PPP1R14C: variants seen among roughly 807,000 people sequenced by gnomAD.
PPP1R14C encodes the protein protein phosphatase 1 regulatory inhibitor subunit 14C.
PPP1R14C carries 16 observed loss-of-function variants against 20.4 expected under a neutral mutation model. The ratio of observed to expected loss-of-function variants is 0.78; its 90% CI spans 0.53 to 1.19. The LOEUF (loss-of-function observed/expected upper bound fraction) is 1.19, where lower values mean the gene tolerates loss of function less well. Among genes scored for constraint, PPP1R14C ranks in the 50% most tolerant of loss-of-function variants. The probability of loss-of-function intolerance (pLI) is 0.00; values close to 1 mark genes in which losing one functional copy is unlikely to be tolerated. For synonymous variants in PPP1R14C, 91 were observed against 91.0 expected (o/e 1.00, Z 0.00); for missense variants, 211 against 220.1 (o/e 0.96, Z 0.26).
intron 1 of PPP1R14C, among the ~76,000 whole-genome samples, chr6:150,179,719 C>T (rs1026127305): frequency 6.6e-6 from 1 of 151,756 alleles, no homozygotes; most frequent in Non-Finnish European, 1.5e-5. Context: ...TTTCCAAATA[C>T]AGCTGTGACA....
At chr6:150,159,818 G>A (rs541063809) in intron 1 of PPP1R14C, among the ~76,000 whole-genome samples, 96 of 152,150 alleles carry the variant, frequency 6.3e-4, no homozygotes, top group African/African-American at 2.2e-3. Flanking sequence ...TACTTTGTTC[G>A]GATTCTTTAG....
intron 3 of PPP1R14C, among the ~76,000 whole-genome samples, chr6:150,218,027 C>T (rs181788494): frequency 3.3e-5 from 5 of 152,200 alleles, no homozygotes; most frequent in Admixed American, 3.3e-4. Flanking sequence ...GCTTGGTGGC[C>T]CACACCTGTA....
At chr6:150,212,498 C>T (rs563501185) in intron 1 of PPP1R14C, among the ~76,000 whole-genome samples, 3 of 152,252 alleles carry the variant, frequency 2.0e-5, no homozygotes, top group East Asian at 1.9e-4. Flanking sequence ...ACTTGGCTGG[C>T]GTCAAAACTA....
chr6:150,148,032 C>T (rs972289068), intron 1 of PPP1R14C, among the ~76,000 whole-genome samples: 9 of 152,126 alleles, frequency 5.9e-5, no homozygotes, highest in Admixed American at 3.3e-4. Flanking sequence ...TGAAACATAA[C>T]GTCATTAGTG....
At chr6:150,168,367 T>C (rs1015276953) in intron 1 of PPP1R14C, among the ~76,000 whole-genome samples, 1 of 151,842 alleles carries the variant, frequency 6.6e-6, no homozygotes, top group East Asian at 2.0e-4. Context: ...AAACCCCGTC[T>C]CTACTAAAAA....
At chr6:150,215,817 A>G (rs958637060) in intron 2 of PPP1R14C, among the ~76,000 whole-genome samples, 1 of 152,192 alleles carries the variant, frequency 6.6e-6, no homozygotes, top group East Asian at 1.9e-4. Flanking sequence ...CCAGGTGAGG[A>G]CCCAAGCTGG....
rs1442715774 is a variant in PPP1R14C at position 150,224,283 on chromosome 6, C to T, written c.423+7427C>T. 2.0e-5 allele frequency among the ~76,000 whole-genome samples: 3 copies of T among 152,156 alleles called. No individual in the cohort carries two copies. In the East Asian group the frequency reaches 5.8e-4, roughly 29 times the overall value. ...TGTCTTGAGGTTGGTAGTGTGAGTC[C>T]TCCACCTTTATTTTTGTCCTGCAAC... On this transcript the variant is annotated intron_variant, in intron 3 of 3. Transcript: ENST00000361131.
intron 2 of PPP1R14C, 118 bp downstream of exon 2, chr6:150,214,945 G>T (rs1778072252): frequency 1.4e-6 from 1 of 696,978 alleles, no homozygotes. Flanking sequence ...CCAGGACCTG[G>T]GCCATTTGCA....
chr6:150,218,733 C>G (rs1271386493), intron 3 of PPP1R14C, among the ~76,000 whole-genome samples: 1 of 152,048 alleles, frequency 6.6e-6, no homozygotes, highest in African/African-American at 2.4e-5. Context: ...CCTGCAGCCT[C>G]GAACTCCTGT....
intron 3 of PPP1R14C, among the ~76,000 whole-genome samples, chr6:150,238,033 C>A (rs547862171): frequency 3.3e-5 from 5 of 152,176 alleles, no homozygotes; most frequent in South Asian, 4.1e-4. Context: ...GCAGTACATG[C>A]GACAATTTGT....
chr6:150,187,955 T>C (rs1044487088), intron 1 of PPP1R14C, among the ~76,000 whole-genome samples: 1 of 152,236 alleles, frequency 6.6e-6, no homozygotes, highest in Non-Finnish European at 1.5e-5. Context: ...CCCAAAGATA[T>C]ATGTTACACC....
chr6:150,245,523 C>T (rs1408556601), intron 3 of PPP1R14C, among the ~76,000 whole-genome samples: 1 of 152,198 alleles, frequency 6.6e-6, no homozygotes, highest in Non-Finnish European at 1.5e-5. Flanking sequence ...ATCTTCAGGG[C>T]TCTGCACATG....
chr6:150,174,939 C>T (rs951540664), intron 1 of PPP1R14C, among the ~76,000 whole-genome samples: 2 of 149,554 alleles, frequency 1.3e-5, no homozygotes, highest in Non-Finnish European at 3.0e-5. Flanking sequence ...GCACTGCAGC[C>T]TGGGCGACCG....
At chr6:150,189,778 A>C (rs1777720754) in intron 1 of PPP1R14C, among the ~76,000 whole-genome samples, 1 of 152,174 alleles carries the variant, frequency 6.6e-6, no homozygotes, top group South Asian at 2.1e-4. Flanking sequence ...CTTTATTATC[A>C]AGCACACCTC....
intron 1 of PPP1R14C, among the ~76,000 whole-genome samples, chr6:150,194,012 G>T (rs926066128): frequency 1.3e-5 from 2 of 152,120 alleles, no homozygotes; most frequent in African/African-American, 4.8e-5. Context: ...TGTTCTTATG[G>T]TAGTGAATGT....
chr6:150,187,247 CTGTGTGTGTGTG>C lies in PPP1R14C; in HGVS notation c.307-27463_307-27452del, dbSNP rs61153538. ...TGCCCACCTTGGCCTTTCTCTTTCTCTGTGTGTGTGTGTGTGTGTGTGTGTGTGTGTGTGTGT... is the reference window on the plus strand; with the variant it reads ...TGCCCACCTTGGCCTTTCTCTTTCTCTGTGTGTGTGTGTGTGTGTGTGTGT... On this transcript the variant is annotated intron_variant, in intron 1 of 3. Coordinates refer to ENST00000361131, the MANE Select transcript of PPP1R14C (RefSeq NM_030949.3). 1.2e-3 allele frequency among the ~76,000 whole-genome samples: 163 copies of C among 141,590 alleles called. 3 individuals carry two copies. In the South Asian group the frequency reaches 0.022, roughly 19 times the overall value. The allele number at this position is 141,590 out of a possible 152,430, so 92.9% of individuals were successfully genotyped here. A position where few individuals can be genotyped will look rare whatever the true frequency, so the allele number is the denominator to read the frequency against.
intron 3 of PPP1R14C, among the ~76,000 whole-genome samples, chr6:150,244,260 G>A (rs1294118808): frequency 6.6e-6 from 1 of 150,962 alleles, no homozygotes; most frequent in African/African-American, 2.4e-5. Context: ...GCCCTTTCTT[G>A]CCCGATCCAT....
intron 1 of PPP1R14C, among the ~76,000 whole-genome samples, chr6:150,158,002 G>T (rs924240252): frequency 6.6e-6 from 1 of 152,156 alleles, no homozygotes; most frequent in Non-Finnish European, 1.5e-5. Flanking sequence ...TTCCTGGGCT[G>T]GGGGAGCTGG....
chr6:150,224,305 C>A (rs1416120231), intron 3 of PPP1R14C, among the ~76,000 whole-genome samples: 1 of 152,128 alleles, frequency 6.6e-6, no homozygotes, highest in Non-Finnish European at 1.5e-5. Context: ...TTTTGTCCTG[C>A]AACATTGTGT....
Sources: allele counts gnomAD v4.1 joint callset (sites outside exome capture counted in the v4.1 genomes callset), GRCh38; gene constraint gnomAD v4.1.1; transcripts MANE v1.5; gene names NCBI Gene and HGNC (gene_info 2026-07-23, HGNC 2026-07-21).